ZNF644: variants seen among roughly 807,000 people sequenced by gnomAD.
ZNF644 encodes zinc finger motif enhancer binding protein 2.
A neutral mutation model predicts 108.0 loss-of-function variants in ZNF644; 20 were observed. The observed-to-expected ratio is 0.19, with a 90% CI of 0.13 to 0.27. The LOEUF is 0.27. ZNF644 is among the 10% of genes least tolerant of loss of function. ZNF644 has a pLI of 1.00. For synonymous variants in ZNF644, 542 were observed against 539.1 expected, an observed-to-expected ratio of 1.01 and a Z score of -0.08; for missense variants, 1,338 against 1,548.9, an observed-to-expected ratio of 0.86 and a Z score of 2.29.
At chr1:90,983,738 C>A (rs1461866841) in intron 1 of ZNF644, among the ~76,000 whole-genome samples, 3 of 152,088 alleles carry the variant, frequency 2.0e-5, no homozygotes, top group Admixed American at 6.6e-5. Flanking sequence ...ACCAGCCTGG[C>A]CAACATGGTG....
intron 1 of ZNF644, among the ~76,000 whole-genome samples, chr1:91,004,862 T>C (rs1430320344): frequency 1.3e-5 from 2 of 152,062 alleles, no homozygotes; most frequent in African/African-American, 2.4e-5. Flanking sequence ...GTGATTTAAG[T>C]GATACACTTG....
intron 4 of ZNF644, 168 bp from the exon 5 acceptor site, chr1:90,918,322 C>A: frequency 1.5e-6 from 1 of 659,942 alleles, no homozygotes; most frequent in East Asian, 2.8e-5. Flanking sequence ...TCTGTAATAG[C>A]AGTAATATTA....
chr1:91,014,878 T>G (rs1660299197), intron 1 of ZNF644, among the ~76,000 whole-genome samples: 1 of 152,192 alleles, frequency 6.6e-6, no homozygotes, highest in Non-Finnish European at 1.5e-5. Context: ...AAAGGTCTCC[T>G]CTCTAGACCT....
At chr1:90,980,438 C>T (rs144926206) in intron 2 of ZNF644, among the ~76,000 whole-genome samples, 1 of 152,042 alleles carries the variant, frequency 6.6e-6, no homozygotes, top group Non-Finnish European at 1.5e-5. Context: ...TAACTGCATG[C>T]CGTGTTATAA....
chr1:90,942,655 T>C (rs1652114409), intron 2 of ZNF644, among the ~76,000 whole-genome samples: 1 of 152,206 alleles, frequency 6.6e-6, no homozygotes, highest in African/African-American at 2.4e-5. Context: ...TTTGTTCCTA[T>C]GAAATTTGGA....
intron 2 of ZNF644, among the ~76,000 whole-genome samples, chr1:90,955,819 C>T (rs538966899): frequency 6.6e-6 from 1 of 152,202 alleles, no homozygotes. Context: ...TGGAGTAGTA[C>T]TTTTAATTTC....
At position 90,941,110 on chromosome 1, in the gene ZNF644, T is replaced by G. The variant is rs1651927173; in HGVS notation, c.244A>C (p.Lys82Gln). The change falls in exon 3 of 6, where the codon AAA becomes CAA. Residue 82 changes from lysine to glutamine, a missense_variant. By Grantham distance (53) the Lys-to-Gln change is moderately conservative (BLOSUM62 1). Around this residue, in one of 6 missense-constraint regions of ZNF644, gnomAD observed 464 missense variants for 457.9 expected, o/e 1.01. Transcript: ENST00000337393. ...LTLPEELSKD[K>Q]SENALSGGQS... is the part of the protein sequence containing the mutation. Reference sequence around the variant, plus strand: ...CCTCCACTTAAGGCGTTTTCAGATTTGTCCTTTGACAGTTCTTCAGGCAGA... The same window carrying G: ...CCTCCACTTAAGGCGTTTTCAGATTGGTCCTTTGACAGTTCTTCAGGCAGA... The G allele has an allele frequency of 1.9e-6, 3 of 1,614,150 alleles. No individual in the cohort carries two copies. The East Asian group carries it at 6.7e-5, about 36-fold the overall frequency.
rs763032775 is a variant in ZNF644 at position 90,941,099 on chromosome 1, G to A, written c.255C>T (p.Asn85=). The A allele has an allele frequency of 4.2e-5, 67 of 1,614,052 alleles. No individual in the cohort carries two copies. Among genetic ancestry groups the A allele is most frequent in the Admixed American group, 2.7e-4 (16 of 60,012 alleles). ...PEELSKDKSE[N]ALSGGQSSLF... ...GACTAGACTGGCCTCCACTTAAGGC[G>A]TTTTCAGATTTGTCCTTTGACAGTT... The change falls in exon 3 of 6, where the codon AAC becomes AAT. Residue 85 remains asparagine (N), a synonymous_variant. Coordinates refer to ENST00000337393, the MANE Select transcript of ZNF644 (RefSeq NM_201269.3).
intron 2 of ZNF644, among the ~76,000 whole-genome samples, chr1:90,951,101 T>C (rs1426846851): frequency 6.6e-6 from 1 of 152,202 alleles, no homozygotes; most frequent in Non-Finnish European, 1.5e-5. Flanking sequence ...ATCTTCAAAA[T>C]ACATCCAGAA....
intron 1 of ZNF644, among the ~76,000 whole-genome samples, chr1:90,983,206 A>G (rs1656737822): frequency 6.6e-6 from 1 of 152,026 alleles, no homozygotes; most frequent in Admixed American, 6.6e-5. Flanking sequence ...TTTATTTCCA[A>G]ACTATCATCT....
rs140765594 is a variant in ZNF644 at position 90,999,516 on chromosome 1, T to G, written c.-17-17146A>C. On this transcript the variant is annotated intron_variant, in intron 1 of 5. Transcript: ENST00000337393. Reference sequence around the variant, plus strand: ...CTGAGAGATTTGTCACCACCAGGCCTGTCAACAGCTCCTGAAGGAAGCACT... The same window carrying G: ...CTGAGAGATTTGTCACCACCAGGCCGGTCAACAGCTCCTGAAGGAAGCACT... Among the ~76,000 whole-genome samples the G allele has an allele frequency of 1.4e-3, 216 of 152,004 alleles. 1 individual carries two copies. The highest frequency in any genetic ancestry group is 5.0e-3 in the African/African-American group (206 of 41,506).
intron 2 of ZNF644, among the ~76,000 whole-genome samples, chr1:90,961,297 A>C (rs969938077): frequency 8.5e-5 from 13 of 152,158 alleles, no homozygotes; most frequent in Admixed American, 8.5e-4. Flanking sequence ...AAATTAACAA[A>C]TTATCAATCT....
At chr1:90,926,338 C>CATGA (rs1372507945) in intron 4 of ZNF644, among the ~76,000 whole-genome samples, 1 of 152,178 alleles carries the variant, frequency 6.6e-6, no homozygotes, top group Non-Finnish European at 1.5e-5. Flanking sequence ...TGCACCCCCT[C>CATGA]ATGAATATTC....
intron 1 of ZNF644, among the ~76,000 whole-genome samples, chr1:91,008,308 A>G (rs1659635777): frequency 6.6e-6 from 1 of 152,240 alleles, no homozygotes; most frequent in Admixed American, 6.5e-5. Flanking sequence ...CTTTTAGACA[A>G]TTCCTTCAGA....
intron 2 of ZNF644, 99 bp downstream of exon 2, chr1:90,982,211 C>T: frequency 1.0e-6 from 1 of 976,602 alleles, no homozygotes; most frequent in Non-Finnish European, 1.6e-6. Context: ...TATTTAAAAA[C>T]TCTTTGGTTC....
At chr1:91,015,298 T>C (rs1422751914) in intron 1 of ZNF644, among the ~76,000 whole-genome samples, 1 of 152,100 alleles carries the variant, frequency 6.6e-6, no homozygotes, top group Non-Finnish European at 1.5e-5. Context: ...CACAGACATA[T>C]ACAAAACAAA....
At chr1:90,949,200 A>T (rs1484324212) in intron 2 of ZNF644, among the ~76,000 whole-genome samples, 1 of 151,304 alleles carries the variant, frequency 6.6e-6, no homozygotes, top group Non-Finnish European at 1.5e-5. Flanking sequence ...TATATATTGA[A>T]TTTATATATT....
intron 4 of ZNF644, among the ~76,000 whole-genome samples, chr1:90,929,454 T>C (rs1240920957): frequency 6.6e-6 from 1 of 152,210 alleles, no homozygotes; most frequent in Non-Finnish European, 1.5e-5. Flanking sequence ...GTTTGCTCAT[T>C]TGGAGTTTAA....
intron 2 of ZNF644, among the ~76,000 whole-genome samples, chr1:90,960,609 T>C (rs989779909): frequency 6.6e-6 from 1 of 152,122 alleles, no homozygotes; most frequent in African/African-American, 2.4e-5. Flanking sequence ...AAATGTCCCA[T>C]GTCCTGACGA....
Sources: allele counts gnomAD v4.1 joint callset (sites outside exome capture counted in the v4.1 genomes callset), GRCh38; gene constraint gnomAD v4.1.1; regional missense constraint gnomAD v4.1.1; transcripts MANE v1.5; gene names NCBI Gene and HGNC (gene_info 2026-07-23, HGNC 2026-07-21).